ANXA10: variants seen among roughly 807,000 people sequenced by gnomAD.
The protein encoded by ANXA10 is annexin 14.
A neutral mutation model predicts 53.5 loss-of-function variants in ANXA10; 49 were observed. The ratio of observed to expected loss-of-function variants is 0.92; its 90% confidence interval spans 0.73 to 1.16. The LOEUF (loss-of-function observed/expected upper bound fraction) is 1.16, where lower values mean the gene tolerates loss of function less well. Ranked by LOEUF, ANXA10 falls within the 50% of genes most tolerant of loss-of-function variation. ANXA10 has a pLI of 0.00. For synonymous variants in ANXA10, 131 were observed against 128.9 expected (o/e 1.02, Z -0.11); for missense variants, 393 against 394.4 (o/e 1.00, Z 0.03).
chr4:168,155,835 TC>T (rs1560783857), intron 3 of ANXA10, among the ~76,000 whole-genome samples: 21 of 9,012 alleles, frequency 2.3e-3, no homozygotes, highest in African/African-American at 6.8e-3. Flanking sequence ...ATATGATATA[TC>T]ATATATAATA....
chr4:168,145,557 G>T (rs924611490), intron 3 of ANXA10, among the ~76,000 whole-genome samples: 4 of 152,154 alleles, frequency 2.6e-5, no homozygotes, highest in Non-Finnish European at 4.4e-5. Flanking sequence ...CACTGGAATT[G>T]CCTCGGTTGT....
intron 1 of ANXA10, among the ~76,000 whole-genome samples, chr4:168,122,536 A>G (rs1307284067): frequency 6.6e-6 from 1 of 152,140 alleles, no homozygotes; most frequent in Non-Finnish European, 1.5e-5. Context: ...AATACCTGAG[A>G]CTGAGTAATT....
intron 1 of ANXA10, among the ~76,000 whole-genome samples, chr4:168,115,997 G>A (rs756398161): frequency 6.6e-5 from 10 of 152,062 alleles, no homozygotes; most frequent in African/African-American, 1.7e-4. Flanking sequence ...CTCGCATTAC[G>A]TCTAAGGCAC....
At chr4:168,133,778 T>C (rs1053869888) in intron 2 of ANXA10, among the ~76,000 whole-genome samples, 1 of 152,124 alleles carries the variant, frequency 6.6e-6, no homozygotes, top group African/African-American at 2.4e-5. Flanking sequence ...TCAGTGTTCA[T>C]GGCAAATTTG....
chr4:168,133,691 A>G (rs1292398437), intron 2 of ANXA10, among the ~76,000 whole-genome samples: 1 of 152,114 alleles, frequency 6.6e-6, no homozygotes, highest in Non-Finnish European at 1.5e-5. Context: ...TCAGTTGACA[A>G]AAAATATTGT....
intron 1 of ANXA10, chr4:168,127,709 C>T (rs775529432): frequency 8.8e-6 from 4 of 452,192 alleles, no homozygotes; most frequent in South Asian, 6.9e-5. Context: ...CTGCAATTGA[C>T]ACACAAGTAA....
At chr4:168,124,066 C>G (rs1731031283) in intron 1 of ANXA10, among the ~76,000 whole-genome samples, 1 of 152,086 alleles carries the variant, frequency 6.6e-6, no homozygotes, top group African/African-American at 2.4e-5. Flanking sequence ...CTCAGAAAGC[C>G]AGTAGAATTA....
At position 168,152,255 on chromosome 4, in the gene ANXA10, G is replaced by C. The variant is rs577695341; in HGVS notation, c.196-10273G>C. 5.9e-5 allele frequency among the ~76,000 whole-genome samples: 9 copies of C among 152,282 alleles called. No homozygotes were observed. In the South Asian group the frequency reaches 1.2e-3, roughly 21 times the overall value. On this transcript the variant is annotated intron_variant, in intron 3 of 11. Transcript: ENST00000359299. The stretch of plus-strand genomic sequence containing the variant: ...GGCAGGCTTCACTAAGAAGGCAGAG[G>C]GGGTGGACCCTGTGAATACCTAGGG...
intron 3 of ANXA10, among the ~76,000 whole-genome samples, chr4:168,151,809 A>G (rs1731502627): frequency 6.6e-6 from 1 of 152,202 alleles, no homozygotes; most frequent in Non-Finnish European, 1.5e-5. Context: ...TCCCATTACT[A>G]TAGCACTTAC....
intron 1 of ANXA10, among the ~76,000 whole-genome samples, chr4:168,100,237 G>C (rs1220280644): frequency 6.6e-6 from 1 of 152,046 alleles, no homozygotes; most frequent in Admixed American, 6.6e-5. Flanking sequence ...TAGACAGGTT[G>C]AATTTTCAAA....
At chr4:168,118,634 C>G (rs1730936629) in intron 1 of ANXA10, among the ~76,000 whole-genome samples, 1 of 152,148 alleles carries the variant, frequency 6.6e-6, no homozygotes, top group Admixed American at 6.6e-5. Context: ...AGGGTGTACT[C>G]TCCTTAGAAA....
At chr4:168,114,189 A>G (rs576630993) in intron 1 of ANXA10, among the ~76,000 whole-genome samples, 1 of 152,110 alleles carries the variant, frequency 6.6e-6, no homozygotes, top group Non-Finnish European at 1.5e-5. Flanking sequence ...TGATTCTTTC[A>G]TTACCTACAT....
chr4:168,166,911 G>C (rs1731891692), intron 6 of ANXA10, among the ~76,000 whole-genome samples: 1 of 152,144 alleles, frequency 6.6e-6, no homozygotes, highest in African/African-American at 2.4e-5. Context: ...ACCTAGGAGA[G>C]AGAAGGATCT....
chr4:168,185,084 G>A (rs1195204892), intron 11 of ANXA10, among the ~76,000 whole-genome samples: 1 of 152,108 alleles, frequency 6.6e-6, no homozygotes, highest in Non-Finnish European at 1.5e-5. Flanking sequence ...AACCCGGGAG[G>A]CGGAGCTTGC....
At chr4:168,155,513 A>T (rs1438445347) in intron 3 of ANXA10, among the ~76,000 whole-genome samples, 7 of 13,248 alleles carry the variant, frequency 5.3e-4, no homozygotes, top group African/African-American at 3.3e-3. Flanking sequence ...ATATTATAAA[A>T]TATATAATTA....
chr4:168,161,183 A>G (rs1731776502), intron 3 of ANXA10, among the ~76,000 whole-genome samples: 1 of 151,966 alleles, frequency 6.6e-6, no homozygotes, highest in South Asian at 2.1e-4. Context: ...TAGGTTTTTT[A>G]TAGTTTTGGG....
intron 3 of ANXA10, among the ~76,000 whole-genome samples, chr4:168,159,697 A>G (rs1463971942): frequency 2.0e-5 from 3 of 152,018 alleles, no homozygotes; most frequent in African/African-American, 7.2e-5. Flanking sequence ...GTCTCTTTTT[A>G]CCCCTTAGTG....
In ANXA10 at chr4:168,143,982, G is replaced by A. The variant is rs560305009; in HGVS notation, c.195+4402G>A. Among the ~76,000 whole-genome samples, 4 of 152,210 alleles carry A rather than the reference G, an allele frequency of 2.6e-5. No homozygotes were observed. In the South Asian group the frequency reaches 8.3e-4, roughly 32 times the overall value. On this transcript the variant is annotated intron_variant, in intron 3 of 11. Coordinates refer to ENST00000359299, the MANE Select transcript of ANXA10 (RefSeq NM_007193.5). ...TTGCTTAAGTGTCAAATACTCAAGA[G>A]GGCCTAATCTAAAGCTGTCACTCAC... is the stretch of plus-strand genomic sequence containing the variant.
At chr4:168,131,321 G>T (rs1388187108) in intron 2 of ANXA10, among the ~76,000 whole-genome samples, 1 of 151,904 alleles carries the variant, frequency 6.6e-6, no homozygotes, top group African/African-American at 2.4e-5. Flanking sequence ...TAATTTCATT[G>T]CAGCCTCAGA....
Sources: gnomAD v4.1 joint callset for allele counts (sites outside exome capture counted in the v4.1 genomes callset) on GRCh38, gnomAD v4.1.1 for gene constraint, MANE v1.5 for transcripts, NCBI Gene and HGNC (gene_info 2026-07-23, HGNC 2026-07-21) for gene names.